The following ITPR1 variants were observed in gnomAD, a reference collection of about 807,000 sequenced individuals.
ITPR1 encodes the protein inositol 1,4,5-trisphosphate receptor type 1.
In ITPR1, 96 loss-of-function variants were observed where a neutral mutation model predicts 318.4. That is an observed-to-expected ratio of 0.30 (90% CI 0.26 to 0.36). The LOEUF is 0.36. Among genes scored for constraint, ITPR1 ranks in the 10% least tolerant of loss-of-function variants. The probability of loss-of-function intolerance (pLI) is 1.00; values close to 1 mark genes in which losing one functional copy is unlikely to be tolerated. For missense variants in ITPR1, 2,440 were observed against 3,460.2 expected (o/e 0.71, Z 7.40); for synonymous variants, 1,312 against 1,289.9 (o/e 1.02, Z -0.37).
At chr3:4,640,972 G>A (rs1383349736) in intron 6 of ITPR1, among the ~76,000 whole-genome samples, 2 of 152,138 alleles carry the variant, frequency 1.3e-5, no homozygotes, top group South Asian at 2.1e-4. Context: ...TTTAGCTAGG[G>A]GTCATCGGGG....
chr3:4,804,791 T>G (rs1043162976), intron 54 of ITPR1, among the ~76,000 whole-genome samples: 15 of 152,228 alleles, frequency 9.9e-5, no homozygotes, highest in Admixed American at 7.8e-4. Context: ...TTAGCCTGTC[T>G]GAGAAAGCCA....
In ITPR1 at chr3:4,704,371, C is replaced by G. The variant is rs564629751; in HGVS notation, c.4657+1421C>G. Reference sequence around the variant, plus strand: ...AGGTTGCGGTGAGCCGAGATCACGCCGCTGCACTCCAGCCTGGGCGACAGG... The same window carrying G: ...AGGTTGCGGTGAGCCGAGATCACGCGGCTGCACTCCAGCCTGGGCGACAGG... On this transcript the variant is annotated intron_variant, in intron 36 of 61. Coordinates refer to ENST00000649015, the MANE Select transcript of ITPR1 (RefSeq NM_001378452.1). 3.3e-5 allele frequency among the ~76,000 whole-genome samples: 5 copies of G among 152,308 alleles called. 1 individual carries two copies. The South Asian group carries it at 1.0e-3, about 32-fold the overall frequency.
chr3:4,539,414 G>A (rs541909644), intron 4 of ITPR1, among the ~76,000 whole-genome samples: 2 of 152,116 alleles, frequency 1.3e-5, no homozygotes, highest in Non-Finnish European at 2.9e-5. Flanking sequence ...TAGGTGCAAT[G>A]TGCTATATAT....
At chr3:4,838,977 T>C (rs1231353970) in intron 61 of ITPR1, among the ~76,000 whole-genome samples, 1 of 152,240 alleles carries the variant, frequency 6.6e-6, no homozygotes, top group African/African-American at 2.4e-5. Context: ...GTGCACACTT[T>C]ACAAACCATT....
intron 16 of ITPR1, among the ~76,000 whole-genome samples, chr3:4,663,652 A>G (rs1314543853): frequency 6.6e-6 from 1 of 152,224 alleles, no homozygotes; most frequent in Non-Finnish European, 1.5e-5. Flanking sequence ...ACATTGATAC[A>G]TCATTATCAC....
At chr3:4,530,749 C>T (rs533893472) in intron 4 of ITPR1, among the ~76,000 whole-genome samples, 1 of 151,744 alleles carries the variant, frequency 6.6e-6, no homozygotes, top group Admixed American at 6.6e-5. Flanking sequence ...CCACTGCACT[C>T]CAGCCTGGGC....
At chr3:4,725,627 G>T in intron 41 of ITPR1, 46 bp downstream of exon 41, 1 of 1,524,270 alleles carries the variant, frequency 6.6e-7, no homozygotes. Context: ...AGCAAATATG[G>T]ATGCCTCTCA....
chr3:4,732,795 T>C (rs1216543331), intron 42 of ITPR1, among the ~76,000 whole-genome samples: 3 of 152,210 alleles, frequency 2.0e-5, no homozygotes, highest in Non-Finnish European at 2.9e-5. Flanking sequence ...CCCAAAGAGA[T>C]TTTTGTTTGT....
chr3:4,674,636 A>G (rs1182482129), intron 22 of ITPR1, among the ~76,000 whole-genome samples: 2 of 152,246 alleles, frequency 1.3e-5, no homozygotes, highest in African/African-American at 4.8e-5. Context: ...TGTGCTTGCA[A>G]TCTGCCATAG....
intron 60 of ITPR1, 84 bp from the exon 61 acceptor site, chr3:4,836,690 C>T (rs923946776): frequency 2.2e-5 from 27 of 1,225,638 alleles, no homozygotes; most frequent in African/African-American, 1.3e-4. Flanking sequence ...AAACATGGCA[C>T]GGTAAGCTGG....
intron 61 of ITPR1, among the ~76,000 whole-genome samples, chr3:4,842,189 A>C (rs985851268): frequency 6.6e-6 from 1 of 152,254 alleles, no homozygotes; most frequent in Admixed American, 6.5e-5. Flanking sequence ...AGTCTTTCAG[A>C]TGTCTGGCTG....
At chr3:4,761,304 C>G (rs1327329620) in intron 44 of ITPR1, among the ~76,000 whole-genome samples, 1 of 152,194 alleles carries the variant, frequency 6.6e-6, no homozygotes, top group East Asian at 1.9e-4. Flanking sequence ...TTGTTCCCCT[C>G]TTTATGTCCA....
intron 6 of ITPR1, 78 bp from the exon 7 acceptor site, chr3:4,642,015 G>C: frequency 3.3e-6 from 4 of 1,198,012 alleles, no homozygotes; most frequent in Non-Finnish European, 4.6e-6. Flanking sequence ...TTGCTACATA[G>C]TTGGTATGAT....
chr3:4,630,885 C>A (rs1351591456), intron 5 of ITPR1, among the ~76,000 whole-genome samples: 1 of 152,072 alleles, frequency 6.6e-6, no homozygotes, highest in African/African-American at 2.4e-5. Context: ...CCGTGCTCAG[C>A]CCTGTCAGCA....
In ITPR1 at chr3:4,752,295, C is replaced by T. The variant is rs895629033; in HGVS notation, c.5545-14235C>T. Among the ~76,000 whole-genome samples the T allele has an allele frequency of 2.0e-5, 3 of 152,166 alleles. No individual in the cohort carries two copies. In the South Asian group the frequency reaches 6.2e-4, roughly 32 times the overall value. ...GTAGCTATCAAGTCTGGGGAGGGAG[C>T]CAGGTTTGGAGACGGAAGGTGCACA... On this transcript the variant is annotated intron_variant, in intron 44 of 61. Coordinates refer to ENST00000649015, the MANE Select transcript of ITPR1 (RefSeq NM_001378452.1).
At chr3:4,729,813 G>A (rs1317677532) in intron 42 of ITPR1, among the ~76,000 whole-genome samples, 1 of 152,038 alleles carries the variant, frequency 6.6e-6, no homozygotes, top group East Asian at 1.9e-4. Flanking sequence ...ACAAACATCT[G>A]ATATTTGTTT....
intron 13 of ITPR1, among the ~76,000 whole-genome samples, chr3:4,659,941 C>A (rs890614480): frequency 6.6e-6 from 1 of 152,040 alleles, no homozygotes; most frequent in African/African-American, 2.4e-5. Flanking sequence ...TTTATTGTTA[C>A]ACATAATGCT....
chr3:4,563,009 G>A (rs1221330221), intron 4 of ITPR1, among the ~76,000 whole-genome samples: 1 of 152,170 alleles, frequency 6.6e-6, no homozygotes, highest in Admixed American at 6.5e-5. Flanking sequence ...TTCTGGAGGA[G>A]GTAACATAGA....
rs555903206 is a variant in ITPR1 at position 4,736,954 on chromosome 3, G to A, written c.5544+1600G>A. Among the ~76,000 whole-genome samples the A allele has an allele frequency of 2.0e-5, 3 of 152,292 alleles. No individual in the cohort carries two copies. The East Asian group carries it at 5.8e-4, about 29-fold the overall frequency. Reference sequence around the variant, plus strand: ...ATTTTCTCCAGGCATAGTCAAGTGTGGAAAATGAGGACAATGTGGTGAACT... The same window carrying A: ...ATTTTCTCCAGGCATAGTCAAGTGTAGAAAATGAGGACAATGTGGTGAACT... On this transcript the variant is annotated intron_variant, in intron 44 of 61. Transcript: ENST00000649015.
Sources: gnomAD v4.1 joint callset for allele counts (sites outside exome capture counted in the v4.1 genomes callset) on GRCh38, gnomAD v4.1.1 for gene constraint, MANE v1.5 for transcripts, NCBI Gene and HGNC (gene_info 2026-07-23, HGNC 2026-07-21) for gene names.